Variants in ATP5F1B observed in about 807,000 individuals in gnomAD.
ATP5F1B encodes the protein ATP synthase F1 subunit beta.
A neutral mutation model predicts 45.9 loss-of-function variants in ATP5F1B; 17 were observed. That is an observed-to-expected ratio of 0.37 (90% CI 0.25 to 0.56). The LOEUF is 0.56. Among genes scored for constraint, ATP5F1B ranks in the 20% least tolerant of loss-of-function variants. ATP5F1B has a pLI of 0.80. For missense variants in ATP5F1B, 387 were observed against 673.2 expected (o/e 0.57, Z 4.70); for synonymous variants, 218 against 256.5 (o/e 0.85, Z 1.43).
chr12:56,642,306 T>C, intron 7 of ATP5F1B, 152 bp downstream of exon 7: 3 of 1,157,404 alleles, frequency 2.6e-6, no homozygotes, highest in East Asian at 5.3e-5. Context: ...CAGTCAGTTT[T>C]ATACATCTCT....
At chr12:56,640,847 C>T (rs1592644169) in intron 7 of ATP5F1B, among the ~76,000 whole-genome samples, 6 of 145,930 alleles carry the variant, frequency 4.1e-5, no homozygotes, top group South Asian at 2.2e-4. Context: ...GAGTTCGACA[C>T]CAGTAGAGAC....
intron 3 of ATP5F1B, 122 bp from the exon 4 acceptor site, chr12:56,644,080 TCCC>T: frequency 9.1e-7 from 1 of 1,101,442 alleles, no homozygotes; most frequent in Non-Finnish European, 1.3e-6. Context: ...CAGTCTTACC[TCCC>T]CTTTCTTACA....
chr12:56,640,767 C>T (rs1468133384), intron 7 of ATP5F1B, among the ~76,000 whole-genome samples: 1 of 151,504 alleles, frequency 6.6e-6, no homozygotes, highest in Non-Finnish European at 1.5e-5. Flanking sequence ...AGGCTGGGGG[C>T]CAGGCACGGT....
rs1592224764 is a variant in ATP5F1B, at chr12:56,645,756, A to G, written c.127+81T>C. On this transcript the variant is annotated intron_variant, in intron 1 of 9. Coordinates refer to ENST00000262030, the MANE Select transcript of ATP5F1B (RefSeq NM_001686.4). ...ATCCTTTTAACACCACGGATCCCTT[A>G]GGCCCGAGCTACCATCGTTCCCCGG... 3 of 1,561,234 alleles carry G rather than the reference A, an allele frequency of 1.9e-6. No individual in the cohort carries two copies. The Admixed American group carries it at 5.8e-5, about 30-fold the overall frequency.
chr12:56,639,474 T>TA lies in ATP5F1B; in HGVS notation c.1288-168dup, dbSNP rs1383201653. 4.1e-5 allele frequency: 28 copies of TA among 680,736 alleles called. 1 individual carries two copies. In the African/African-American group the frequency reaches 4.9e-4, roughly 12 times the overall value. 42.2% of individuals were successfully genotyped at this position (680,736 alleles called of 1,614,324 possible). A position where few individuals can be genotyped will look rare whatever the true frequency, so the allele number is the denominator to read the frequency against. On this transcript the variant is annotated intron_variant, in intron 8 of 9. Coordinates refer to ENST00000262030, the MANE Select transcript of ATP5F1B (RefSeq NM_001686.4). ...CTCCATAGTCCTAGTTTGGTGCTGT[T>TA]AGAAAAATATTGCATTCCGCCGGGC... is the stretch of plus-strand genomic sequence containing the variant.
intron 7 of ATP5F1B, among the ~76,000 whole-genome samples, chr12:56,641,815 T>C (rs1951514220): frequency 6.6e-6 from 1 of 151,984 alleles, no homozygotes; most frequent in Non-Finnish European, 1.5e-5. Context: ...CCTCCCAAAG[T>C]GCTGGGATTA....
chr12:56,645,307 G>C lies in ATP5F1B; in HGVS notation c.174C>G (p.Ala58=). Reference sequence around the variant, plus strand: ...TGACCGCCACGATGCGCCCGGTGGCGGCGCCTGCTTTTGGCGAAGGAGATG... The same window carrying C: ...TGACCGCCACGATGCGCCCGGTGGCCGCGCCTGCTTTTGGCGAAGGAGATG... ...AQTSPSPKAG[A]ATGRIVAVIG... Residue 58 remains alanine, a synonymous_variant, in exon 2 of 10, where the codon GCC becomes GCG. Transcript: ENST00000262030. 1 of 1,614,152 alleles carries C rather than the reference G, an allele frequency of 6.2e-7. No individual in the cohort carries two copies. Among genetic ancestry groups the C allele is most frequent in the Non-Finnish European group, 8.5e-7 (1 of 1,179,998 alleles).
chr12:56,644,896 T>C lies in ATP5F1B; in HGVS notation c.370A>G (p.Lys124Glu). 1 of 1,614,220 alleles carries C rather than the reference T, an allele frequency of 6.2e-7. No homozygotes were observed. The change falls in exon 3 of 10, where the codon AAA (lysine) becomes GAA (glutamate). Residue 124 changes from lysine to glutamate, a missense_variant. Transcript: ENST00000262030. ...ATTGGTGCACCAGAATCCAGTACTT[T>C]CTGGCCTCTAACCAAGCCTTCTGTA... ...DGTEGLVRGQ[K>E]VLDSGAPIKI...
chr12:56,645,938 G>C lies in ATP5F1B; in HGVS notation c.26C>G (p.Ala9Gly). 1 of 1,605,682 alleles carries C rather than the reference G, an allele frequency of 6.2e-7. No homozygotes were observed. Among genetic ancestry groups the C allele is most frequent in the South Asian group, 1.1e-5 (1 of 89,802 alleles). The change falls in exon 1 of 10, where the codon GCC becomes GGC. Residue 9 changes from alanine to glycine, a missense_variant. Coordinates refer to ENST00000262030, the MANE Select transcript of ATP5F1B (RefSeq NM_001686.4). MLGFVGRVAAAPASGALRR... is the reference protein window; with the variant it reads MLGFVGRVGAAPASGALRR... The stretch of plus-strand genomic sequence containing the variant: ...CAAGGCCCCGGAGGCCGGAGCAGCG[G>C]CCACCCGACCCACAAACCCCAACAT...
intron 8 of ATP5F1B, 44 bp downstream of exon 8, chr12:56,639,935 CT>C: frequency 6.2e-7 from 1 of 1,602,636 alleles, no homozygotes; most frequent in Non-Finnish European, 8.5e-7. Context: ...CACAGGCCCT[CT>C]TTTTGACTTT....
chr12:56,642,347 G>C, intron 7 of ATP5F1B, 111 bp downstream of exon 7: 1 of 1,465,728 alleles, frequency 6.8e-7, no homozygotes, highest in South Asian at 1.2e-5. Flanking sequence ...TCCCCAGGCT[G>C]ATCTCTTGGG....
At chr12:56,642,405 A>G in intron 7 of ATP5F1B, 53 bp downstream of exon 7, 4 of 1,608,370 alleles carry the variant, frequency 2.5e-6, no homozygotes, top group Non-Finnish European at 3.4e-6. Context: ...GAGATGCACC[A>G]CTGCACCCTG....
At chr12:56,639,949 G>C in intron 8 of ATP5F1B, 31 bp downstream of exon 8, 2 of 1,609,478 alleles carry the variant, frequency 1.2e-6, no homozygotes, top group Non-Finnish European at 1.7e-6. Flanking sequence ...TTGACTTTCC[G>C]GACACTGATC....
chr12:56,639,132 A>T lies in ATP5F1B; in HGVS notation c.1463T>A (p.Ile488Asn). 6.2e-7 allele frequency: 1 copy of T among 1,614,154 alleles called. No individual in the cohort carries two copies. Among genetic ancestry groups the T allele is most frequent in the Non-Finnish European group, 8.5e-7 (1 of 1,180,026 alleles). The change falls in exon 9 of 10, where the codon ATC (isoleucine) becomes AAC (asparagine). Residue 488 changes from isoleucine to asparagine, a missense_variant. This residue lies in a region of ATP5F1B where 154 missense variants were observed against 361.4 expected (regional missense o/e 0.43). Coordinates refer to ENST00000262030, the MANE Select transcript of ATP5F1B (RefSeq NM_001686.4). ...TGCCAAAATCTGCTGGAATCCTTTG[A>T]TGGTCTCCTTCAGGGGTACCAGCTT... ...MGKLVPLKET[I>N]KGFQQILAGE...
chr12:56,639,095 C>T lies in ATP5F1B; in HGVS notation c.1489+11G>A. Reference sequence around the variant, plus strand: ...ACAGTAAACATTCAAGATTTGTACTCAAAATCTCACCTGCCAAAATCTGCT... The same window carrying T: ...ACAGTAAACATTCAAGATTTGTACTTAAAATCTCACCTGCCAAAATCTGCT... On this transcript the variant is annotated intron_variant, in intron 9 of 9. Transcript: ENST00000262030. 3 of 1,613,650 alleles carry T rather than the reference C, an allele frequency of 1.9e-6. No homozygotes were observed. Among genetic ancestry groups the T allele is most frequent in the Non-Finnish European group, 2.5e-6 (3 of 1,179,664 alleles).
chr12:56,641,066 T>A (rs1285322506), intron 7 of ATP5F1B, among the ~76,000 whole-genome samples: 1 of 144,726 alleles, frequency 6.9e-6, no homozygotes, highest in African/African-American at 2.6e-5. Flanking sequence ...TTAAAAAAAA[T>A]AAAAAAATAA....
rs746981130 is a variant in ATP5F1B at position 56,643,409 on chromosome 12, G to C, written c.786C>G (p.Thr262=). ...CAATTAGCTCAATGCTTACCTTAGA[G>C]GTGGCATCTTTTAAGTTGATAACAC... is the stretch of plus-strand genomic sequence containing the variant. ...ESGVINLKDA[T]SKVALVYGQM... is the part of the protein sequence containing the mutation. Residue 262 remains threonine (T), a synonymous_variant, in exon 5 of 10, where the codon ACC becomes ACG. Transcript: ENST00000262030. 5 of 1,613,910 alleles carry C rather than the reference G, an allele frequency of 3.1e-6. No homozygotes were observed. Among genetic ancestry groups the C allele is most frequent in the Non-Finnish European group, 4.2e-6 (5 of 1,179,928 alleles).
At chr12:56,642,627 G>C (rs749480463) in intron 6 of ATP5F1B, 46 bp downstream of exon 6, 1 of 1,613,944 alleles carries the variant, frequency 6.2e-7, no homozygotes, top group Non-Finnish European at 8.5e-7. Flanking sequence ...AGCCTCATCC[G>C]AAGAAAGGCC....
intron 9 of ATP5F1B, among the ~76,000 whole-genome samples, chr12:56,638,636 C>G (rs1470904955): frequency 6.6e-6 from 1 of 152,256 alleles, no homozygotes; most frequent in Non-Finnish European, 1.5e-5. Context: ...TGGCTTACAC[C>G]TGTAATCCCA....
Sources: gnomAD v4.1 joint callset for allele counts (sites outside exome capture counted in the v4.1 genomes callset) on GRCh38, gnomAD v4.1.1 for gene constraint, gnomAD v4.1.1 regional missense constraint, MANE v1.5 for transcripts, NCBI Gene and HGNC (gene_info 2026-07-23, HGNC 2026-07-21) for gene names.